PTPDC1: variants seen among roughly 807,000 people sequenced by gnomAD.
The protein encoded by PTPDC1 is protein tyrosine phosphatase domain containing 1, also known as protein tyrosine phosphatase domain-containing protein 1.
Under a neutral mutation model 75.3 loss-of-function variants are expected in PTPDC1, and 53 were observed. That is an observed-to-expected ratio of 0.70 (90% CI 0.56 to 0.88). The LOEUF is 0.88. PTPDC1 is among the 40% of genes least tolerant of loss of function. PTPDC1 has a pLI of 0.00. For synonymous variants in PTPDC1, 349 were observed against 366.2 expected (o/e 0.95, Z 0.54); for missense variants, 925 against 998.6 (o/e 0.93, Z 0.99).
At chr9:94,071,606 T>C (rs1826513444) in intron 2 of PTPDC1, among the ~76,000 whole-genome samples, 1 of 152,238 alleles carries the variant, frequency 6.6e-6, no homozygotes, top group Admixed American at 6.5e-5. Context: ...AGATTCACTG[T>C]TGGGTTTCAC....
chr9:94,084,611 C>G lies in PTPDC1; in HGVS notation c.81C>G (p.Thr27=), dbSNP rs1012382204. ...TTCTCCAGGGCCGCCGGCACTCCAC[C>G]TCAGACCCAGTACTGCGGCTGCAGC... ...SSFLQGRRHS[T]SDPVLRLQQA... The change falls in exon 1 of 9, where the codon ACC becomes ACG. Residue 27 remains threonine, a synonymous_variant. Transcript: ENST00000620992. 1 of 1,613,686 alleles carries G rather than the reference C, an allele frequency of 6.2e-7. No homozygotes were observed. The highest frequency in any genetic ancestry group is 8.5e-7 in the Non-Finnish European group (1 of 1,179,932).
At chr9:94,098,927 T>G (rs1827732570) in intron 6 of PTPDC1, among the ~76,000 whole-genome samples, 1 of 152,242 alleles carries the variant, frequency 6.6e-6, no homozygotes, top group African/African-American at 2.4e-5. Context: ...TTATGAGGCC[T>G]GGCAGAGGGA....
At chr9:94,059,735 G>A (rs1354056058) in intron 1 of PTPDC1, among the ~76,000 whole-genome samples, 1 of 152,132 alleles carries the variant, frequency 6.6e-6, no homozygotes, top group African/African-American at 2.4e-5. Flanking sequence ...AACTTGGCTT[G>A]GGGGGATAGA....
intron 4 of PTPDC1, among the ~76,000 whole-genome samples, chr9:94,089,086 T>C (rs1827184139): frequency 6.6e-6 from 1 of 151,740 alleles, no homozygotes; most frequent in Non-Finnish European, 1.5e-5. Flanking sequence ...TTTTTAATTT[T>C]TTTTTATTAT....
At chr9:94,098,610 A>T in intron 6 of PTPDC1, 31 bp downstream of exon 6, 1 of 1,538,252 alleles carries the variant, frequency 6.5e-7, no homozygotes, top group Non-Finnish European at 8.9e-7. Context: ...AATTATAGAT[A>T]TGTGGGAAAT....
chr9:94,052,664 T>C (rs1260409551), intron 1 of PTPDC1, among the ~76,000 whole-genome samples: 1 of 152,256 alleles, frequency 6.6e-6, no homozygotes, highest in Non-Finnish European at 1.5e-5. Flanking sequence ...TGATCAATTT[T>C]GAGTTAATTT....
intron 1 of PTPDC1, among the ~76,000 whole-genome samples, chr9:94,058,420 C>T (rs753598962): frequency 1.2e-4 from 18 of 152,002 alleles, no homozygotes; most frequent in Non-Finnish European, 2.5e-4. Context: ...GCTATTGGGC[C>T]AGGCGCGGTG....
At chr9:94,038,383 G>C (rs1447369986) in intron 1 of PTPDC1, 3 of 449,122 alleles carry the variant, frequency 6.7e-6, no homozygotes, top group Admixed American at 3.2e-5. Flanking sequence ...AATGTCTCAT[G>C]ACTTTTTTAT....
At chr9:94,103,657 T>G (rs1827920590) in intron 7 of PTPDC1, among the ~76,000 whole-genome samples, 1 of 152,216 alleles carries the variant, frequency 6.6e-6, no homozygotes, top group African/African-American at 2.4e-5. Flanking sequence ...GTACATTACA[T>G]CTTGGATATG....
Position 94,097,655 on chromosome 9 carries a change from T to C in PTPDC1, c.1089T>C (p.Asp363=), listed in dbSNP as rs1324851057. Residue 363 remains aspartate (D), a synonymous_variant, in exon 6 of 9, where the codon GAT becomes GAC. Transcript: ENST00000620992. ...LAENRPVMMK[D]VSEGPGLSAE... ...AGAACAGGCCAGTGATGATGAAGGA[T>C]GTGTCCGAAGGACCTGGTCTCTCTG... 6.8e-6 allele frequency: 11 copies of C among 1,613,988 alleles called. No homozygotes were observed. The highest frequency in any genetic ancestry group is 9.3e-6 in the Non-Finnish European group (11 of 1,180,010).
At chr9:94,091,551 T>C (rs925149524) in intron 4 of PTPDC1, among the ~76,000 whole-genome samples, 6 of 152,124 alleles carry the variant, frequency 3.9e-5, no homozygotes, top group Admixed American at 1.3e-4. Context: ...TCTCTTTTTT[T>C]GTTGTGTCTC....
chr9:94,031,684 A>G (rs1311783023), intron 1 of PTPDC1, among the ~76,000 whole-genome samples: 1 of 152,050 alleles, frequency 6.6e-6, no homozygotes, highest in Non-Finnish European at 1.5e-5. Flanking sequence ...TGGCCTTCCA[A>G]AGAGCCTCAA....
chr9:94,069,906 C>G (rs1826453733), intron 2 of PTPDC1, among the ~76,000 whole-genome samples: 3 of 148,976 alleles, frequency 2.0e-5, no homozygotes, highest in Admixed American at 6.8e-5. Context: ...CTCATTGCAA[C>G]CTCCGCCTCC....
intron 2 of PTPDC1, among the ~76,000 whole-genome samples, chr9:94,067,937 C>T (rs1041536989): frequency 1.1e-4 from 16 of 152,154 alleles, no homozygotes; most frequent in Admixed American, 8.5e-4. Context: ...CCCTCTGTCT[C>T]TTTTTCCTTA....
upstream of PTPDC1, among the ~76,000 whole-genome samples, chr9:94,081,171 G>T (rs1826871590): frequency 6.6e-6 from 1 of 151,800 alleles, no homozygotes; most frequent in African/African-American, 2.4e-5. Flanking sequence ...TGTATTTTTA[G>T]TAGAGACTGG....
At chr9:94,064,948 C>A (rs748236124) in intron 2 of PTPDC1, 1 of 663,682 alleles carries the variant, frequency 1.5e-6, no homozygotes, top group Non-Finnish European at 2.6e-6. Flanking sequence ...GCAAGTATTA[C>A]TTACTGCCTT....
At chr9:94,087,659 T>C (rs1164320511) in intron 2 of PTPDC1, among the ~76,000 whole-genome samples, 172 bp from the exon 3 acceptor site, 2 of 152,204 alleles carry the variant, frequency 1.3e-5, no homozygotes, top group South Asian at 2.1e-4. Context: ...TTTGATTTTA[T>C]TGAACCATGA....
At chr9:94,060,798 CCCCACCCATGATCCAGTTACCT>C (rs1437904118) in intron 1 of PTPDC1, among the ~76,000 whole-genome samples, 1 of 152,092 alleles carries the variant, frequency 6.6e-6, no homozygotes, top group African/African-American at 2.4e-5. Flanking sequence ...AGAACTCTGC[CCCCACCCATGATCCAGTTACCT>C]CCCACCAAGC....
chr9:94,056,179 A>G (rs116850132), intron 1 of PTPDC1, among the ~76,000 whole-genome samples: 2,319 of 152,324 alleles, frequency 0.015, 29 homozygotes, highest in South Asian at 0.049. Context: ...TAGATGAGCT[A>G]AGATTATATA....
Sources: gnomAD v4.1 joint callset for allele counts (sites outside exome capture counted in the v4.1 genomes callset) on GRCh38, gnomAD v4.1.1 for gene constraint, MANE v1.5 for transcripts, NCBI Gene and HGNC (gene_info 2026-07-23, HGNC 2026-07-21) for gene names.